Variants in PRDM6 observed in about 807,000 individuals in gnomAD.
The protein encoded by PRDM6 is PR/SET domain 6.
A neutral mutation model predicts 60.8 loss-of-function variants in PRDM6; 25 were observed. The ratio of observed to expected loss-of-function variants is 0.41; its 90% CI spans 0.30 to 0.57. PRDM6 has a LOEUF of 0.57. Ranked by LOEUF, PRDM6 falls within the 20% of genes least tolerant of loss-of-function variation. The pLI, the probability that PRDM6 is intolerant of heterozygous loss-of-function variation, is 0.27. For synonymous variants in PRDM6, 407 were observed against 357.4 expected (o/e 1.14, Z -1.57); for missense variants, 839 against 821.3 (o/e 1.02, Z -0.26).
intron 5 of PRDM6, among the ~76,000 whole-genome samples, chr5:123,161,554 C>A (rs531975105): frequency 6.9e-4 from 105 of 152,248 alleles, no homozygotes; most frequent in African/African-American, 2.5e-3. Flanking sequence ...AGGAACAAGC[C>A]ATGTGTTAGT....
chr5:123,141,253 G>T (rs459682), intron 3 of PRDM6, among the ~76,000 whole-genome samples: 1 of 151,884 alleles, frequency 6.6e-6, no homozygotes, highest in East Asian at 1.9e-4. Flanking sequence ...CAATGAGATA[G>T]ATCTGAAATG....
chr5:123,103,726 C>T (rs71594328), intron 3 of PRDM6, among the ~76,000 whole-genome samples: 5 of 151,754 alleles, frequency 3.3e-5, no homozygotes, highest in African/African-American at 1.2e-4. Context: ...GAGGAATGTA[C>T]CCAGTGTATA....
intron 3 of PRDM6, among the ~76,000 whole-genome samples, chr5:123,105,992 A>C (rs1764190824): frequency 6.6e-6 from 1 of 152,202 alleles, no homozygotes; most frequent in African/African-American, 2.4e-5. Context: ...TACTCACTGT[A>C]ATAAGGGCAG....
chr5:123,140,410 CA>C (rs1239522699), intron 3 of PRDM6, among the ~76,000 whole-genome samples: 2 of 151,722 alleles, frequency 1.3e-5, no homozygotes, highest in African/African-American at 4.8e-5. Context: ...ATATTAATAC[CA>C]TCTTTGAAAT....
At chr5:123,121,853 G>GTTT (rs111771327) in intron 3 of PRDM6, among the ~76,000 whole-genome samples, 8 of 136,370 alleles carry the variant, frequency 5.9e-5, no homozygotes, top group Non-Finnish European at 9.6e-5. Context: ...GAGTTTTTTA[G>GTTT]TTTTTTTTTT....
At chr5:123,125,941 A>G (rs369159753) in intron 3 of PRDM6, among the ~76,000 whole-genome samples, 8 of 152,126 alleles carry the variant, frequency 5.3e-5, no homozygotes, top group East Asian at 3.9e-4. Context: ...GGATCTTATC[A>G]AAACTTTATA....
chr5:123,110,039 T>G (rs1168515320), intron 3 of PRDM6, among the ~76,000 whole-genome samples: 3 of 152,198 alleles, frequency 2.0e-5, no homozygotes, highest in African/African-American at 7.2e-5. Flanking sequence ...TCTGTAAAAA[T>G]GTGTGTGCAG....
intron 5 of PRDM6, among the ~76,000 whole-genome samples, chr5:123,169,779 A>G (rs1382887726): frequency 6.6e-6 from 1 of 152,220 alleles, no homozygotes; most frequent in Non-Finnish European, 1.5e-5. Context: ...TATTTTTAGA[A>G]GCATTAGTAC....
In PRDM6 at chr5:123,189,851, A is replaced by T. The variant is rs540624336; in HGVS notation, c.*2650A>T. 1 of 152,338 alleles carries T rather than the reference A, an allele frequency of 6.6e-6. No homozygotes were observed. The highest frequency in any genetic ancestry group is 2.1e-4 in the South Asian group (1 of 4,826). 9.4% of individuals were successfully genotyped at this position (152,338 alleles called of 1,614,324 possible). ...ATTGACTTGGAACCCTGAAGCAGGT[A>T]CTGAGATCATTTGGGTCCAAAATGA... On this transcript the variant is annotated 3_prime_UTR_variant, in exon 8 of 8. Coordinates refer to ENST00000407847, the MANE Select transcript of PRDM6 (RefSeq NM_001136239.4).
rs1269445967 is a variant in PRDM6, at chr5:123,190,663, G to C, written c.*3462G>C. The C allele has an allele frequency of 6.6e-6, 1 of 152,046 alleles. No homozygotes were observed. Among genetic ancestry groups the C allele is most frequent in the Non-Finnish European group, 1.5e-5 (1 of 67,998 alleles). 9.4% of individuals were successfully genotyped at this position (152,046 alleles called of 1,614,324 possible). A position where few individuals can be genotyped will look rare whatever the true frequency, so the allele number is the denominator to read the frequency against. ...TTTACCTTGTAAAAATTTCATTCTGGTTCAGGTATGCAAAGATTTATACGA... is the reference window on the plus strand; with the variant it reads ...TTTACCTTGTAAAAATTTCATTCTGCTTCAGGTATGCAAAGATTTATACGA... On this transcript the variant is annotated 3_prime_UTR_variant, in exon 8 of 8. Transcript: ENST00000407847.
intron 5 of PRDM6, among the ~76,000 whole-genome samples, chr5:123,168,498 T>C (rs945323761): frequency 2.6e-5 from 4 of 152,228 alleles, no homozygotes; most frequent in Admixed American, 2.6e-4. Context: ...TTCTTGGGAC[T>C]CGGCTTTTGT....
At position 123,167,547 on chromosome 5, in the gene PRDM6, G is replaced by A. The variant is rs572801395; in HGVS notation, c.1154-3219G>A. Among the ~76,000 whole-genome samples the A allele has an allele frequency of 7.2e-5, 11 of 152,074 alleles. No homozygotes were observed. In the East Asian group the frequency reaches 9.7e-4, roughly 13 times the overall value. ...TGGGATTACAGGCATGTGCCACCAC[G>A]CCCAGCTAATTTTGTATTTTTAGTA... On this transcript the variant is annotated intron_variant, in intron 5 of 7. Transcript: ENST00000407847.
intron 3 of PRDM6, among the ~76,000 whole-genome samples, chr5:123,139,866 C>T (rs939195671): frequency 1.3e-5 from 2 of 151,816 alleles, no homozygotes; most frequent in Non-Finnish European, 2.9e-5. Flanking sequence ...TGTGGGAGTA[C>T]GACCTGGAAG....
Position 123,138,034 on chromosome 5 carries a change from C to CA in PRDM6, c.901-17849dup, listed in dbSNP as rs376843828. On this transcript the variant is annotated intron_variant, in intron 3 of 7. Transcript: ENST00000407847. The stretch of plus-strand genomic sequence containing the variant: ...CCTGCCTACTCTGGGTTCACCCCCG[C>CA]ACCTTTCAAATACTGATATAGGCCA... Among the ~76,000 whole-genome samples the CA allele has an allele frequency of 1.5e-4, 23 of 151,988 alleles. No homozygotes were observed. The South Asian group carries it at 2.3e-3, about 15-fold the overall frequency.
intron 7 of PRDM6, among the ~76,000 whole-genome samples, chr5:123,183,780 A>G (rs922763543): frequency 6.6e-6 from 1 of 152,168 alleles, no homozygotes; most frequent in African/African-American, 2.4e-5. Context: ...CAGTCTAAAA[A>G]TTATTCTATG....
intron 3 of PRDM6, among the ~76,000 whole-genome samples, chr5:123,147,307 G>GAGAGAGAA (rs1309614411): frequency 4.7e-5 from 7 of 149,038 alleles, no homozygotes; most frequent in African/African-American, 1.7e-4. Flanking sequence ...GAGAGAGAGA[G>GAGAGAGAA]AAAACGAACA....
At position 123,115,008 on chromosome 5, in the gene PRDM6, G is replaced by GTT. The variant is rs1193413877; in HGVS notation, c.900+15049_900+15050dup. 5.9e-5 allele frequency among the ~76,000 whole-genome samples: 9 copies of GTT among 152,178 alleles called. No homozygotes were observed. The South Asian group carries it at 1.0e-3, about 17-fold the overall frequency. On this transcript the variant is annotated intron_variant, in intron 3 of 7. Coordinates refer to ENST00000407847, the MANE Select transcript of PRDM6 (RefSeq NM_001136239.4). Reference sequence around the variant, plus strand: ...TAGGAGTTGTAAGTGCATAGCTGTTGTTTACATCCAGAAGACTGCTTGAGG... The same window carrying GTT: ...TAGGAGTTGTAAGTGCATAGCTGTTGTTTTTACATCCAGAAGACTGCTTGAGG...
intron 4 of PRDM6, 57 bp downstream of exon 4, chr5:123,156,068 C>T (rs1765491535): frequency 1.4e-6 from 2 of 1,474,110 alleles, no homozygotes; most frequent in Non-Finnish European, 9.1e-7. Flanking sequence ...CTTGCATATA[C>T]AAATTCAGGC....
Position 123,090,333 on chromosome 5 carries a change from G to T in PRDM6, c.319G>T (p.Gly107Cys). 1.4e-6 allele frequency: 2 copies of T among 1,479,664 alleles called. No homozygotes were observed. Among genetic ancestry groups the T allele is most frequent in the Non-Finnish European group, 1.8e-6 (2 of 1,118,828 alleles). 91.7% of individuals were successfully genotyped at this position (1,479,664 alleles called of 1,614,324 possible). A position where few individuals can be genotyped will look rare whatever the true frequency, so the allele number is the denominator to read the frequency against. The change falls in exon 2 of 8, where the codon GGT (glycine) becomes TGT (cysteine). Residue 107 changes from glycine to cysteine, a missense_variant. By Grantham distance (159) the Gly-to-Cys change is radical. Coordinates refer to ENST00000407847, the MANE Select transcript of PRDM6 (RefSeq NM_001136239.4). ...TGCGGCCGCTGCCGCCGCGCTGGCT[G>T]GTCTCTCGGCCCTGCCGGTGTCGCA... ...AAAAAAAALA[G>C]LSALPVSQLP...
Sources: gnomAD v4.1 joint callset for allele counts (sites outside exome capture counted in the v4.1 genomes callset) on GRCh38, gnomAD v4.1.1 for gene constraint, MANE v1.5 for transcripts, NCBI Gene and HGNC (gene_info 2026-07-23, HGNC 2026-07-21) for gene names.